The following QKI variants were observed in gnomAD, a reference collection of about 807,000 sequenced individuals.
The protein encoded by QKI is QKI, KH domain containing RNA binding.
QKI carries 10 observed loss-of-function variants against 39.0 expected under a neutral mutation model. The observed-to-expected ratio is 0.26, with a 90% CI of 0.16 to 0.43. The LOEUF (loss-of-function observed/expected upper bound fraction) is 0.43, where lower values mean the gene tolerates loss of function less well. Ranked by LOEUF, QKI falls within the 20% of genes least tolerant of loss-of-function variation. The pLI is 1.00. For synonymous variants in QKI, 204 were observed against 155.4 expected (o/e 1.31, Z -2.33); for missense variants, 218 against 428.0 (o/e 0.51, Z 4.33).
chr6:163,454,885 A>G (rs1397626748), intron 1 of QKI, among the ~76,000 whole-genome samples: 1 of 152,166 alleles, frequency 6.6e-6, no homozygotes. Context: ...TGAAGTACAA[A>G]AGAGGCTTTG....
intron 1 of QKI, among the ~76,000 whole-genome samples, chr6:163,435,838 T>A (rs1789228491): frequency 6.6e-6 from 1 of 152,194 alleles, no homozygotes; most frequent in Admixed American, 6.5e-5. Flanking sequence ...AAATGATCAG[T>A]CTTTACTATT....
At chr6:163,455,560 CATG>C (rs962825211) in intron 2 of QKI, 139 bp downstream of exon 2, 15 of 890,142 alleles carry the variant, frequency 1.7e-5, no homozygotes, top group Non-Finnish European at 2.5e-5. Flanking sequence ...AATAATTTGG[CATG>C]ATAATTTAAA....
At chr6:163,524,895 A>G (rs919468986) in intron 3 of QKI, among the ~76,000 whole-genome samples, 12 of 152,146 alleles carry the variant, frequency 7.9e-5, no homozygotes, top group Non-Finnish European at 1.3e-4. Context: ...GAACACTAAC[A>G]TTTAAAACTC....
intron 7 of QKI, chr6:163,569,538 G>A: frequency 8.2e-7 from 1 of 1,213,302 alleles, no homozygotes; most frequent in Non-Finnish European, 1.0e-6. Flanking sequence ...CTGTTAAGTG[G>A]ACCAAGTTTG....
chr6:163,569,625 A>T (rs1783585946), intron 7 of QKI: 1 of 1,007,232 alleles, frequency 9.9e-7, no homozygotes, highest in African/African-American at 1.7e-5. Flanking sequence ...TTTCCACTTG[A>T]GAACTACTTT....
chr6:163,574,745 C>G lies in QKI; in HGVS notation c.*4035C>G, dbSNP rs543780298. The G allele has an allele frequency of 2.0e-5, 3 of 151,736 alleles. No individual in the cohort carries two copies. Among genetic ancestry groups the G allele is most frequent in the African/African-American group, 4.8e-5 (2 of 41,254 alleles). The allele number at this position is 151,736 out of a possible 1,614,324, so 9.4% of individuals were successfully genotyped here. On this transcript the variant is annotated 3_prime_UTR_variant, in exon 8 of 8. Transcript: ENST00000361752. ...TTTTTATTTCACAGATTGATACTTGCTTTTTTCTGTGAAACAGTTCTCCTA... is the reference window on the plus strand; with the variant it reads ...TTTTTATTTCACAGATTGATACTTGGTTTTTTCTGTGAAACAGTTCTCCTA...
intron 1 of QKI, among the ~76,000 whole-genome samples, chr6:163,421,750 C>CTT (rs766565039): frequency 7.0e-6 from 1 of 143,876 alleles, no homozygotes; most frequent in Non-Finnish European, 1.5e-5. Context: ...TTTCTTTTTT[C>CTT]TTTTTTTTTT....
intron 3 of QKI, among the ~76,000 whole-genome samples, chr6:163,531,721 C>A (rs546652619): frequency 6.6e-6 from 1 of 152,270 alleles, no homozygotes; most frequent in African/African-American, 2.4e-5. Flanking sequence ...CCCAGGCTGG[C>A]CTTGAACTCC....
chr6:163,457,605 C>T (rs1791016273), intron 2 of QKI: 1 of 343,396 alleles, frequency 2.9e-6, no homozygotes, highest in Non-Finnish European at 5.8e-6. Context: ...AATTCCGATG[C>T]ATGCTGAAGT....
At chr6:163,549,168 T>C (rs545871966) in intron 4 of QKI, among the ~76,000 whole-genome samples, 2 of 152,186 alleles carry the variant, frequency 1.3e-5, no homozygotes, top group East Asian at 3.9e-4. Flanking sequence ...CGAAGAAGAT[T>C]TGACCAGAGA....
chr6:163,432,284 C>T (rs1295035764), intron 1 of QKI, among the ~76,000 whole-genome samples: 3 of 152,108 alleles, frequency 2.0e-5, no homozygotes, highest in Non-Finnish European at 4.4e-5. Context: ...AGGTAGTGTC[C>T]ATTAGCATTT....
intron 3 of QKI, among the ~76,000 whole-genome samples, chr6:163,493,959 ATTTTC>A (rs1298646219): frequency 6.6e-6 from 1 of 151,744 alleles, no homozygotes; most frequent in African/African-American, 2.4e-5. Context: ...CCCACTTTGT[ATTTTC>A]TTTTCATCCT....
At chr6:163,436,483 A>G (rs1432622672) in intron 1 of QKI, among the ~76,000 whole-genome samples, 2 of 152,142 alleles carry the variant, frequency 1.3e-5, no homozygotes, top group African/African-American at 2.4e-5. Context: ...TATTCAGGGA[A>G]CAACTTACTG....
At chr6:163,507,091 C>T (rs574768905) in intron 3 of QKI, among the ~76,000 whole-genome samples, 54 of 152,204 alleles carry the variant, frequency 3.5e-4, no homozygotes, top group Middle Eastern at 3.4e-3. Context: ...CAAGAGTAAA[C>T]GATGCTTTGG....
rs1783055526 is a variant in QKI, at chr6:163,562,026, T to G, written c.591T>G (p.Leu197=). 6.2e-7 allele frequency: 1 copy of G among 1,613,552 alleles called. No homozygotes were observed. Among genetic ancestry groups the G allele is most frequent in the Non-Finnish European group, 8.5e-7 (1 of 1,179,848 alleles). ...DSLKKMQLME[L]AILNGTYRDA... ...TGAAGAAGATGCAGCTGATGGAGCT[T>G]GCGATTCTGAATGGCACCTACAGAG... is the stretch of plus-strand genomic sequence containing the variant. The change falls in exon 5 of 8, where the codon CTT becomes CTG. Residue 197 remains leucine, a synonymous_variant. Coordinates refer to ENST00000361752, the MANE Select transcript of QKI (RefSeq NM_006775.3).
At chr6:163,566,669 C>A (rs927695820) in intron 6 of QKI, 52 bp from the exon 7 acceptor site, 9 of 1,597,250 alleles carry the variant, frequency 5.6e-6, no homozygotes, top group South Asian at 1.1e-5. Flanking sequence ...AATGTTTTTT[C>A]CCCCCTTGTG....
intron 3 of QKI, among the ~76,000 whole-genome samples, chr6:163,526,238 A>C (rs1006872476): frequency 6.6e-5 from 10 of 152,242 alleles, no homozygotes; most frequent in Admixed American, 1.3e-4. Flanking sequence ...TTGATGATTT[A>C]GGAAGGAAAA....
chr6:163,513,365 T>G lies in QKI; in HGVS notation c.403-21617T>G, dbSNP rs73784442. 3.3e-3 allele frequency among the ~76,000 whole-genome samples: 509 copies of G among 152,304 alleles called. 4 individuals are homozygous for G. The highest frequency in any genetic ancestry group is 0.012 in the African/African-American group (479 of 41,578). On this transcript the variant is annotated intron_variant, in intron 3 of 7. Transcript: ENST00000361752. ...TGTAATTATTTTATGTATCACCAACTTGGTGATACATAAAATACACAAAAC... is the reference window on the plus strand; with the variant it reads ...TGTAATTATTTTATGTATCACCAACGTGGTGATACATAAAATACACAAAAC...
rs1033058770 is a variant in QKI, at chr6:163,569,400, C to T, written c.1010-1294C>T. 13 of 1,263,198 alleles carry T rather than the reference C, an allele frequency of 1.0e-5. No homozygotes were observed. In the Admixed American group the frequency reaches 1.0e-4, roughly 10 times the overall value. The allele number at this position is 1,263,198 out of a possible 1,614,324, so 78.2% of individuals were successfully genotyped here. ...TGAAGTGGCACAGAATCTAACTTTGCACTGAATATCTTTTCATTCACATCT... is the reference window on the plus strand; with the variant it reads ...TGAAGTGGCACAGAATCTAACTTTGTACTGAATATCTTTTCATTCACATCT... On this transcript the variant is annotated intron_variant, in intron 7 of 7. Coordinates refer to ENST00000361752, the MANE Select transcript of QKI (RefSeq NM_006775.3).
Sources: gnomAD v4.1 joint callset for allele counts (sites outside exome capture counted in the v4.1 genomes callset) on GRCh38, gnomAD v4.1.1 for gene constraint, MANE v1.5 for transcripts, NCBI Gene and HGNC (gene_info 2026-07-23, HGNC 2026-07-21) for gene names.